COL6A6: variants seen among roughly 807,000 people sequenced by gnomAD.
COL6A6 encodes collagen type VI alpha 6 chain, also known as collagen alpha-6(VI) chain.
Under a neutral mutation model 208.6 loss-of-function variants are expected in COL6A6, and 183 were observed. That is an observed-to-expected ratio of 0.88 (90% CI 0.78 to 0.99). COL6A6 has a LOEUF of 0.99. Ranked by LOEUF, COL6A6 falls within the 50% of genes least tolerant of loss-of-function variation. The pLI is 0.00. For missense variants in COL6A6, 2,816 were observed against 2,815.2 expected (o/e 1.00, Z -0.01); for synonymous variants, 973 against 1,011.8 (o/e 0.96, Z 0.73).
At chr3:130,614,791 G>A (rs573271176) in intron 23 of COL6A6, among the ~76,000 whole-genome samples, 1 of 151,992 alleles carries the variant, frequency 6.6e-6, no homozygotes, top group South Asian at 2.1e-4. Context: ...TCTAGTTTGT[G>A]TGCATAGAGG....
intron 1 of COL6A6, among the ~76,000 whole-genome samples, chr3:130,536,735 G>T (rs2062234084): frequency 6.6e-6 from 1 of 152,196 alleles, no homozygotes; most frequent in African/African-American, 2.4e-5. Context: ...GAAGTCAGAG[G>T]ATTAATAGGG....
intron 24 of COL6A6, among the ~76,000 whole-genome samples, chr3:130,623,753 G>C (rs1394833556): frequency 6.6e-6 from 1 of 152,140 alleles, no homozygotes; most frequent in African/African-American, 2.4e-5. Context: ...GTTTAGGTCT[G>C]GTTGGAGATG....
intron 1 of COL6A6, among the ~76,000 whole-genome samples, chr3:130,528,440 AG>A (rs1559951329): frequency 6.6e-6 from 1 of 152,210 alleles, no homozygotes; most frequent in Non-Finnish European, 1.5e-5. Context: ...GAATAGGGCA[AG>A]GGTTGCAAAG....
At chr3:130,658,892 G>A in intron 34 of COL6A6, 120 bp downstream of exon 34, 2 of 681,648 alleles carry the variant, frequency 2.9e-6, no homozygotes, top group Non-Finnish European at 5.2e-6. Context: ...GACCTCTCTG[G>A]GGTTCTGGGC....
intron 1 of COL6A6, among the ~76,000 whole-genome samples, chr3:130,548,406 T>C (rs1455437768): frequency 6.6e-6 from 1 of 152,226 alleles, no homozygotes; most frequent in Non-Finnish European, 1.5e-5. Flanking sequence ...TTGGTGAGAC[T>C]GGATGGCTAG....
chr3:130,648,260 T>G (rs1325840439), intron 32 of COL6A6, among the ~76,000 whole-genome samples: 2 of 152,242 alleles, frequency 1.3e-5, no homozygotes, highest in Non-Finnish European at 2.9e-5. Context: ...CAAAAATGTA[T>G]CTGTTAAAGC....
At chr3:130,600,966 G>A (rs1490419936) in intron 20 of COL6A6, among the ~76,000 whole-genome samples, 1 of 152,166 alleles carries the variant, frequency 6.6e-6, no homozygotes, top group Non-Finnish European at 1.5e-5. Context: ...TCACTTGCTT[G>A]TTGGGGGTGC....
chr3:130,558,451 C>T (rs1306170470), intron 1 of COL6A6, among the ~76,000 whole-genome samples: 2 of 152,168 alleles, frequency 1.3e-5, no homozygotes, highest in Non-Finnish European at 2.9e-5. Flanking sequence ...GAAAATTGTT[C>T]CACAAGATGC....
chr3:130,588,952 CTTTCTAAAGCACAGT>C, intron 11 of COL6A6, 123 bp from the exon 12 acceptor site: 6 of 238,554 alleles, frequency 2.5e-5, no homozygotes, highest in Non-Finnish European at 4.9e-5. Context: ...TTCATGCATT[CTTTCTAAAGCACAGT>C]CATTTGAATG....
chr3:130,534,632 T>C (rs2107720619), intron 1 of COL6A6, among the ~76,000 whole-genome samples: 1 of 152,306 alleles, frequency 6.6e-6, no homozygotes, highest in African/African-American at 2.4e-5. Context: ...ATACCTAACA[T>C]GAGAACTCAG....
At chr3:130,545,365 A>G (rs901119686) in intron 1 of COL6A6, among the ~76,000 whole-genome samples, 1 of 152,090 alleles carries the variant, frequency 6.6e-6, no homozygotes, top group African/African-American at 2.4e-5. Context: ...ATTTTATTCA[A>G]ACTTTCATGA....
At chr3:130,656,692 T>C (rs933915589) in intron 33 of COL6A6, among the ~76,000 whole-genome samples, 1 of 152,162 alleles carries the variant, frequency 6.6e-6, no homozygotes, top group Non-Finnish European at 1.5e-5. Context: ...CCTTCTGTCA[T>C]CCAGTGGAGC....
intron 36 of COL6A6, among the ~76,000 whole-genome samples, chr3:130,666,143 T>C (rs72996289): frequency 0.024 from 3,582 of 152,326 alleles, 162 homozygotes; most frequent in African/African-American, 0.08. Context: ...CATGGGGTAC[T>C]GTTCTAGAAT....
rs1237889741 is a variant in COL6A6 at position 130,658,709 on chromosome 3, G to A, written c.5767G>A (p.Val1923Ile). 1.9e-6 allele frequency: 3 copies of A among 1,613,106 alleles called. No homozygotes were observed. The highest frequency in any genetic ancestry group is 1.7e-5 in the Admixed American group (1 of 59,942). ...CACTGGCACATTTCAAGTAATAGTGGTTCCCTCCGGGGCCGACTACATACC... is the reference window on the plus strand; with the variant it reads ...CACTGGCACATTTCAAGTAATAGTGATTCCCTCCGGGGCCGACTACATACC... Reference protein sequence around the residue: ...DDTGTFQVIVVPSGADYIPAL... With the variant: ...DDTGTFQVIVIPSGADYIPAL... Residue 1923 changes from valine (V) to isoleucine (I), a missense_variant, in exon 34 of 37, where the codon GTT becomes ATT. Transcript: ENST00000358511.
Position 130,589,071 on chromosome 3 carries a change from T to C in COL6A6, c.4126-19T>C. On this transcript the variant is annotated intron_variant, in intron 11 of 36. Transcript: ENST00000358511. Reference sequence around the variant, plus strand: ...AAGCAATACCACCAAATGTAATGTATTTCTTACCCTCTCCCAAGGTCAATG... The same window carrying C: ...AAGCAATACCACCAAATGTAATGTACTTCTTACCCTCTCCCAAGGTCAATG... 1 of 1,605,026 alleles carries C rather than the reference T, an allele frequency of 6.2e-7. No homozygotes were observed. Among genetic ancestry groups the C allele is most frequent in the Non-Finnish European group, 8.5e-7 (1 of 1,172,182 alleles).
intron 23 of COL6A6, among the ~76,000 whole-genome samples, chr3:130,614,323 A>C (rs1047855735): frequency 4.6e-5 from 7 of 152,118 alleles, no homozygotes; most frequent in Admixed American, 6.6e-5. Flanking sequence ...ATTGATTTGT[A>C]TATGTTGAAC....
intron 24 of COL6A6, among the ~76,000 whole-genome samples, chr3:130,622,206 C>G (rs941710047): frequency 1.4e-5 from 2 of 141,922 alleles, no homozygotes; most frequent in African/African-American, 5.5e-5. Flanking sequence ...CCCGCCTACC[C>G]CCCCCTTTTT....
At chr3:130,625,274 A>G (rs933063950) in intron 24 of COL6A6, among the ~76,000 whole-genome samples, 2 of 152,158 alleles carry the variant, frequency 1.3e-5, no homozygotes, top group East Asian at 3.9e-4. Context: ...TCACTTGTCC[A>G]TTTTCCCTTA....
At chr3:130,588,891 G>A (rs1393540045) in intron 11 of COL6A6, among the ~76,000 whole-genome samples, 199 bp from the exon 12 acceptor site, 1 of 137,816 alleles carries the variant, frequency 7.3e-6, no homozygotes, top group Admixed American at 7.5e-5. Context: ...GGTGGAGAGT[G>A]CAGATGATAG....
Sources: gnomAD v4.1 joint callset for allele counts (sites outside exome capture counted in the v4.1 genomes callset) on GRCh38, gnomAD v4.1.1 for gene constraint, MANE v1.5 for transcripts, NCBI Gene and HGNC (gene_info 2026-07-23, HGNC 2026-07-21) for gene names.